RALYL: variants seen among roughly 807,000 people sequenced by gnomAD.
RALYL encodes the protein RNA-binding Raly-like protein.
In RALYL, 29 loss-of-function variants were observed where a neutral mutation model predicts 35.1. That is an observed-to-expected ratio of 0.83 (90% CI 0.61 to 1.13). The LOEUF is 1.13. RALYL is among the 50% of genes most tolerant of loss of function. RALYL has a pLI of 0.00. For synonymous variants in RALYL, 120 were observed against 127.6 expected, an observed-to-expected ratio of 0.94 and a Z score of 0.40; for missense variants, 359 against 360.4, an observed-to-expected ratio of 1.00 and a Z score of 0.03.
intron 1 of RALYL, among the ~76,000 whole-genome samples, chr8:84,460,817 T>C (rs2050683826): frequency 6.6e-6 from 1 of 151,594 alleles, no homozygotes; most frequent in African/African-American, 2.4e-5. Flanking sequence ...AATCAAACTA[T>C]AGATATAACA....
intron 1 of RALYL, among the ~76,000 whole-genome samples, chr8:84,334,947 AG>A (rs1446588536): frequency 6.6e-6 from 1 of 152,146 alleles, no homozygotes; most frequent in Non-Finnish European, 1.5e-5. Context: ...ATCATGGTAA[AG>A]GAAGAGGAAG....
At chr8:84,300,357 C>T (rs1025997341) in intron 1 of RALYL, among the ~76,000 whole-genome samples, 1 of 151,556 alleles carries the variant, frequency 6.6e-6, no homozygotes, top group Non-Finnish European at 1.5e-5. Context: ...TGTATTATGG[C>T]TGATTATGTG....
At chr8:84,486,740 A>G (rs1413449382) in intron 1 of RALYL, among the ~76,000 whole-genome samples, 2 of 152,066 alleles carry the variant, frequency 1.3e-5, no homozygotes, top group Non-Finnish European at 2.9e-5. Flanking sequence ...AGTGAAATAA[A>G]TTTTGTTTTC....
At chr8:84,890,174 T>C (rs1214649867) in intron 8 of RALYL, among the ~76,000 whole-genome samples, 1 of 152,020 alleles carries the variant, frequency 6.6e-6, no homozygotes, top group East Asian at 1.9e-4. Flanking sequence ...GAGAGAGAAC[T>C]TGGTGAAGAG....
At chr8:84,246,035 T>C (rs532623732) in intron 1 of RALYL, among the ~76,000 whole-genome samples, 45 of 152,220 alleles carry the variant, frequency 3.0e-4, no homozygotes, top group African/African-American at 1.0e-3. Flanking sequence ...CAAAGGAAGA[T>C]GGTAAAATGG....
rs561950020 is a variant in RALYL at position 84,861,403 on chromosome 8, A to G, written c.414-893A>G. ...ATAATATGAAGCTTCTGAATCTATGAATTATATATTTTTATAAATGAGTTA... is the reference window on the plus strand; with the variant it reads ...ATAATATGAAGCTTCTGAATCTATGGATTATATATTTTTATAAATGAGTTA... On this transcript the variant is annotated intron_variant, in intron 5 of 8. Transcript: ENST00000521268. 4.6e-5 allele frequency among the ~76,000 whole-genome samples: 7 copies of G among 152,296 alleles called. No homozygotes were observed. The South Asian group carries it at 1.4e-3, about 32-fold the overall frequency.
intron 1 of RALYL, among the ~76,000 whole-genome samples, chr8:84,219,253 T>C (rs142717929): frequency 6.6e-6 from 1 of 152,188 alleles, no homozygotes; most frequent in Non-Finnish European, 1.5e-5. Flanking sequence ...CTTGTGATAG[T>C]GAGTTCTCAC....
intron 7 of RALYL, among the ~76,000 whole-genome samples, chr8:84,876,349 C>T (rs547895138): frequency 6.6e-6 from 1 of 152,220 alleles, no homozygotes; most frequent in African/African-American, 2.4e-5. Flanking sequence ...ATTATTTTTT[C>T]CATTACATCA....
intron 2 of RALYL, among the ~76,000 whole-genome samples, chr8:84,621,805 AG>A (rs1186494091): frequency 6.5e-4 from 99 of 152,312 alleles, no homozygotes; most frequent in African/African-American, 2.1e-3. Context: ...CAGATTCTCA[AG>A]GGCATGATTC....
At chr8:84,678,261 T>C (rs1271383170) in intron 2 of RALYL, among the ~76,000 whole-genome samples, 1 of 151,072 alleles carries the variant, frequency 6.6e-6, no homozygotes, top group Non-Finnish European at 1.5e-5. Flanking sequence ...TTGTTGTTTT[T>C]TTGTTTTTGT....
At chr8:84,776,856 G>A (rs1204009911) in intron 3 of RALYL, among the ~76,000 whole-genome samples, 2 of 152,006 alleles carry the variant, frequency 1.3e-5, no homozygotes, top group Non-Finnish European at 2.9e-5. Flanking sequence ...ATTTAAATAT[G>A]CTATATTGCA....
At chr8:84,883,309 A>G (rs1343605553) in intron 7 of RALYL, among the ~76,000 whole-genome samples, 1 of 152,114 alleles carries the variant, frequency 6.6e-6, no homozygotes. Context: ...AATACAAAAA[A>G]TAGAGTAACT....
intron 3 of RALYL, among the ~76,000 whole-genome samples, chr8:84,775,672 C>T (rs140553617): frequency 1.7e-4 from 26 of 152,240 alleles, no homozygotes; most frequent in African/African-American, 5.5e-4. Flanking sequence ...TATATCTATG[C>T]GGAGAATCCA....
At chr8:84,801,730 A>ATTG (rs1013715401) in intron 3 of RALYL, among the ~76,000 whole-genome samples, 27 of 152,284 alleles carry the variant, frequency 1.8e-4, no homozygotes, top group African/African-American at 6.3e-4. Context: ...TGAAGTGTTT[A>ATTG]TTGTTTAGTT....
intron 2 of RALYL, among the ~76,000 whole-genome samples, chr8:84,654,062 T>C (rs1482317266): frequency 6.7e-6 from 1 of 150,040 alleles, no homozygotes; most frequent in Non-Finnish European, 1.5e-5. Flanking sequence ...ATACGTAGTA[T>C]ATGTATATAT....
intron 1 of RALYL, among the ~76,000 whole-genome samples, chr8:84,320,261 AGT>A (rs1355282208): frequency 6.6e-6 from 1 of 152,042 alleles, no homozygotes; most frequent in African/African-American, 2.4e-5. Flanking sequence ...AATATAAGTG[AGT>A]ACATGATGAG....
chr8:84,594,952 CATCTT>C (rs1814135315), intron 2 of RALYL, among the ~76,000 whole-genome samples: 1 of 152,038 alleles, frequency 6.6e-6, no homozygotes, highest in South Asian at 2.1e-4. Context: ...TCTCCAGTAA[CATCTT>C]ATATCATTGA....
intron 1 of RALYL, among the ~76,000 whole-genome samples, chr8:84,353,521 AAT>A (rs554116333): frequency 1.7e-4 from 26 of 150,500 alleles, no homozygotes; most frequent in South Asian, 4.2e-4. Flanking sequence ...CAGCTGTGAC[AAT>A]GTTTATAATT....
chr8:84,911,878 G>A lies in RALYL; in HGVS notation c.859-9016G>A, dbSNP rs144761071. Among the ~76,000 whole-genome samples the A allele has an allele frequency of 4.8e-3, 725 of 152,212 alleles. 10 individuals are homozygous for A. Among genetic ancestry groups the A allele is most frequent in the African/African-American group, 0.017 (690 of 41,558 alleles). ...TATAAACAATACAGATGAACAGCCAGATAAAGAGATACATAAGGTAAGGTC... is the reference window on the plus strand; with the variant it reads ...TATAAACAATACAGATGAACAGCCAAATAAAGAGATACATAAGGTAAGGTC... On this transcript the variant is annotated intron_variant, in intron 8 of 8. Coordinates refer to ENST00000521268, the MANE Select transcript of RALYL (RefSeq NM_173848.7).
Sources: gnomAD v4.1 joint callset for allele counts (sites outside exome capture counted in the v4.1 genomes callset) on GRCh38, gnomAD v4.1.1 for gene constraint, MANE v1.5 for transcripts, NCBI Gene and HGNC (gene_info 2026-07-23, HGNC 2026-07-21) for gene names.